Variants in ATRNL1 observed in about 807,000 individuals in gnomAD.
ATRNL1 encodes attractin like 1.
A neutral mutation model predicts 182.7 loss-of-function variants in ATRNL1; 95 were observed. The ratio of observed to expected loss-of-function variants is 0.52; its 90% CI spans 0.44 to 0.62. ATRNL1 has a LOEUF of 0.62. ATRNL1 is among the 20% of genes least tolerant of loss of function. The pLI, the probability that ATRNL1 is intolerant of heterozygous loss-of-function variation, is 0.00. For missense variants in ATRNL1, 1,471 were observed against 1,679.5 expected, an observed-to-expected ratio of 0.88 and a Z score of 2.17; for synonymous variants, 576 against 568.3, an observed-to-expected ratio of 1.01 and a Z score of -0.19.
At chr10:115,813,990 A>G (rs1950107687) in intron 27 of ATRNL1, among the ~76,000 whole-genome samples, 1 of 152,190 alleles carries the variant, frequency 6.6e-6, no homozygotes, top group South Asian at 2.1e-4. Context: ...CTTCATTGAC[A>G]TAATGACAGT....
rs1353686933 is a variant in ATRNL1 at position 115,947,628 on chromosome 10, C to T, written c.*2849C>T. On this transcript the variant is annotated 3_prime_UTR_variant, in exon 29 of 29. Coordinates refer to ENST00000355044, the MANE Select transcript of ATRNL1 (RefSeq NM_207303.4). ...ATGCCGTATACTATAGTGTTATGTTCAGTAGGAAAACTTCAAATAGTTCGT... is the reference window on the plus strand; with the variant it reads ...ATGCCGTATACTATAGTGTTATGTTTAGTAGGAAAACTTCAAATAGTTCGT... The T allele has an allele frequency of 3.9e-5, 6 of 152,660 alleles. No homozygotes were observed. The South Asian group carries it at 1.2e-3, about 32-fold the overall frequency. 9.5% of individuals were successfully genotyped at this position (152,660 alleles called of 1,614,324 possible). A position where few individuals can be genotyped will look rare whatever the true frequency, so the allele number is the denominator to read the frequency against.
At chr10:115,730,467 G>T (rs1298251958) in intron 27 of ATRNL1, among the ~76,000 whole-genome samples, 3 of 151,850 alleles carry the variant, frequency 2.0e-5, no homozygotes, top group Admixed American at 6.6e-5. Flanking sequence ...CTTTGTAAAT[G>T]ATCTCCATTT....
chr10:115,789,961 A>G (rs1949488326), intron 27 of ATRNL1, among the ~76,000 whole-genome samples: 1 of 152,218 alleles, frequency 6.6e-6, no homozygotes, highest in Admixed American at 6.5e-5. Context: ...AAGAAGATTA[A>G]AGGCATTAAT....
chr10:115,435,047 T>TAG (rs1490731971), intron 21 of ATRNL1, among the ~76,000 whole-genome samples: 1 of 150,930 alleles, frequency 6.6e-6, no homozygotes, highest in Non-Finnish European at 1.5e-5. Flanking sequence ...TTTTTTTTTT[T>TAG]TGTGACGGAG....
At chr10:115,654,525 T>G (rs2133888589) in intron 26 of ATRNL1, among the ~76,000 whole-genome samples, 1 of 152,292 alleles carries the variant, frequency 6.6e-6, no homozygotes, top group African/African-American at 2.4e-5. Flanking sequence ...CCCATCATTC[T>G]TCTTTTCTCA....
chr10:115,569,695 T>C (rs1486962875), intron 26 of ATRNL1, among the ~76,000 whole-genome samples: 1 of 152,192 alleles, frequency 6.6e-6, no homozygotes, highest in Non-Finnish European at 1.5e-5. Context: ...AGAAGCTCTT[T>C]AACCTTGAGT....
At chr10:115,672,515 G>A (rs1473074354) in intron 26 of ATRNL1, among the ~76,000 whole-genome samples, 3 of 152,030 alleles carry the variant, frequency 2.0e-5, no homozygotes, top group African/African-American at 7.2e-5. Context: ...ATTTCGACTG[G>A]TGCAAAGAAA....
intron 19 of ATRNL1, among the ~76,000 whole-genome samples, chr10:115,389,999 T>TA (rs1409346480): frequency 1.3e-5 from 2 of 152,018 alleles, no homozygotes; most frequent in African/African-American, 2.4e-5. Flanking sequence ...TGTCTGCTTT[T>TA]AAAAAAAATT....
At chr10:115,848,035 G>A (rs916984687) in intron 28 of ATRNL1, 44 bp downstream of exon 28, 2 of 1,046,344 alleles carry the variant, frequency 1.9e-6, no homozygotes, top group Admixed American at 1.8e-5. Context: ...AAAACTTGTA[G>A]ACTGAACAGA....
At chr10:115,138,032 G>A (rs1172291056) in intron 5 of ATRNL1, among the ~76,000 whole-genome samples, 1 of 152,186 alleles carries the variant, frequency 6.6e-6, no homozygotes, top group Non-Finnish European at 1.5e-5. Context: ...GGGGCCACAG[G>A]CCTCATGCAA....
intron 28 of ATRNL1, among the ~76,000 whole-genome samples, chr10:115,919,529 G>A (rs1555118166): frequency 6.6e-6 from 1 of 151,976 alleles, no homozygotes; most frequent in Admixed American, 6.6e-5. Flanking sequence ...AGTGAATGTT[G>A]ACTGGTTTTC....
chr10:115,100,709 T>C (rs1843737643), intron 1 of ATRNL1, among the ~76,000 whole-genome samples: 1 of 152,196 alleles, frequency 6.6e-6, no homozygotes, highest in African/African-American at 2.4e-5. Flanking sequence ...CCAATTATTT[T>C]GGCTACTCTG....
intron 8 of ATRNL1, among the ~76,000 whole-genome samples, chr10:115,182,739 C>G (rs1847795485): frequency 6.6e-6 from 1 of 150,826 alleles, no homozygotes; most frequent in Non-Finnish European, 1.5e-5. Flanking sequence ...TTACTAAAAC[C>G]CACAATTCAC....
intron 20 of ATRNL1, among the ~76,000 whole-genome samples, chr10:115,402,617 G>C (rs1023883412): frequency 6.6e-6 from 1 of 152,090 alleles, no homozygotes. Context: ...TTGATGAGTT[G>C]ATTCAAAATT....
chr10:115,330,461 T>G (rs1364617357), intron 18 of ATRNL1, among the ~76,000 whole-genome samples: 3 of 152,120 alleles, frequency 2.0e-5, no homozygotes, highest in Admixed American at 2.0e-4. Flanking sequence ...TTTTTTGTAA[T>G]GTAGTTCTGG....
intron 14 of ATRNL1, among the ~76,000 whole-genome samples, chr10:115,281,972 A>G (rs1389892886): frequency 6.8e-6 from 1 of 147,086 alleles, no homozygotes; most frequent in Non-Finnish European, 1.5e-5. Context: ...TATATTATAT[A>G]TTTTCCCTCT....
intron 19 of ATRNL1, among the ~76,000 whole-genome samples, chr10:115,344,827 G>A (rs982968461): frequency 2.0e-5 from 3 of 152,186 alleles, no homozygotes; most frequent in Non-Finnish European, 2.9e-5. Context: ...CAGGACCCAA[G>A]TACTCTTCAG....
At chr10:115,807,768 G>A (rs116054848) in intron 27 of ATRNL1, among the ~76,000 whole-genome samples, 1,571 of 152,214 alleles carry the variant, frequency 0.01, 33 homozygotes, top group African/African-American at 0.036. Flanking sequence ...AGTTAATAGC[G>A]TTAACAAATT....
At chr10:115,837,749 C>T (rs1311948033) in intron 27 of ATRNL1, among the ~76,000 whole-genome samples, 1 of 152,106 alleles carries the variant, frequency 6.6e-6, no homozygotes, top group African/African-American at 2.4e-5. Flanking sequence ...TCGTGCCATA[C>T]TTTCGGACCA....
Sources: gnomAD v4.1 joint callset for allele counts (sites outside exome capture counted in the v4.1 genomes callset) on GRCh38, gnomAD v4.1.1 for gene constraint, MANE v1.5 for transcripts, NCBI Gene and HGNC (gene_info 2026-07-23, HGNC 2026-07-21) for gene names.